Variants in NDUFAF7 observed in about 807,000 individuals in gnomAD.
NDUFAF7 encodes the protein NADH:ubiquinone oxidoreductase complex assembly factor 7, also known as protein arginine methyltransferase NDUFAF7, mitochondrial.
In NDUFAF7, 48 loss-of-function variants were observed where a neutral mutation model predicts 47.2. The observed-to-expected ratio is 1.02, with a 90% CI of 0.81 to 1.29. NDUFAF7 has a LOEUF of 1.29. Ranked by LOEUF, NDUFAF7 falls within the 50% of genes most tolerant of loss-of-function variation. The pLI is 0.00. For missense variants in NDUFAF7, 635 were observed against 537.6 expected (o/e 1.18, Z -1.79); for synonymous variants, 217 against 190.0 (o/e 1.14, Z -1.17).
chr2:37,248,151 C>A lies in NDUFAF7; in HGVS notation c.1127C>A (p.Ser376Ter). 1.2e-6 allele frequency: 2 copies of A among 1,613,340 alleles called. No homozygotes were observed. Among genetic ancestry groups the A allele is most frequent in the South Asian group, 2.2e-5 (2 of 91,012 alleles). ...TCTTTTCAGGTTCTTTTAGATAAAT[C>A]AAATGAGCCATCAGTGAGGCAGCAG... is the stretch of plus-strand genomic sequence containing the variant. ...DVRLKVLLDKSNEPSVRQQLL... is the reference protein window; with the variant it reads ...DVRLKVLLDK The change falls in exon 10 of 10, where the codon TCA becomes TAA. Residue 376 changes from serine to a stop codon, truncating the protein, a stop_gained. Coordinates refer to ENST00000002125, the MANE Select transcript of NDUFAF7 (RefSeq NM_144736.5). LOFTEE classifies it high-confidence loss of function.
Position 37,246,080 on chromosome 2 carries a change from T to C in NDUFAF7, c.821T>C (p.Val274Ala). ...GACGAAACAAGGGATCATGTTGAAG[T>C]GTGTCCTGATGCTGGTGTTATCATC... ...QHDETRDHVE[V>A]CPDAGVIIEE... Residue 274 changes from valine to alanine, a missense_variant, in exon 8 of 10, where the codon GTG (valine) becomes GCG (alanine). Val to Ala is a moderately conservative substitution (Grantham distance 64). Transcript: ENST00000002125. 1 of 1,613,958 alleles carries C rather than the reference T, an allele frequency of 6.2e-7. No homozygotes were observed.
At chr2:37,247,667 C>G in intron 9 of NDUFAF7, 38 bp downstream of exon 9, 1 of 1,605,004 alleles carries the variant, frequency 6.2e-7, no homozygotes, top group Non-Finnish European at 8.5e-7. Flanking sequence ...TAAGTACTTT[C>G]ATAGTATTTC....
chr2:37,233,526 G>A (rs1047011985), intron 2 of NDUFAF7, among the ~76,000 whole-genome samples: 9 of 151,820 alleles, frequency 5.9e-5, no homozygotes, highest in African/African-American at 2.2e-4. Flanking sequence ...TAGTCAGGAG[G>A]CAGGAGAATC....
chr2:37,247,433 A>G (rs1358197390), intron 8 of NDUFAF7, 23 bp from the exon 9 acceptor site: 4 of 1,613,686 alleles, frequency 2.5e-6, no homozygotes, highest in African/African-American at 1.3e-5. Context: ...AAAGGGCAAA[A>G]ATCTGATTTC....
chr2:37,253,772 A>G (rs1667707705), downstream of NDUFAF7, among the ~76,000 whole-genome samples: 1 of 152,198 alleles, frequency 6.6e-6, no homozygotes, highest in African/African-American at 2.4e-5. Context: ...CTCACTCCCT[A>G]TAAAATAGTT....
downstream of NDUFAF7, chr2:37,249,261 G>A (rs1277421796): frequency 1.3e-5 from 2 of 152,188 alleles, no homozygotes; most frequent in East Asian, 1.9e-4. Flanking sequence ...TTGAGGGGCA[G>A]GGTGTGGCTG....
At chr2:37,254,354 G>A, downstream of NDUFAF7, 1 of 1,254,512 alleles carries the variant, frequency 8.0e-7, no homozygotes, top group Middle Eastern at 1.9e-4. Context: ...ACTTGTGACT[G>A]CCTAGAAGGC....
chr2:37,258,906 C>T, the NDUFAF7 span, among the ~76,000 whole-genome samples: 6 of 152,184 alleles, frequency 3.9e-5, no homozygotes, highest in East Asian at 5.8e-4. Flanking sequence ...TTGAGCTGAT[C>T]GGAGGAATCA....
At chr2:37,244,081 C>G in intron 7 of NDUFAF7, 108 bp downstream of exon 7, 1 of 942,046 alleles carries the variant, frequency 1.1e-6, no homozygotes, top group South Asian at 1.4e-5. Flanking sequence ...GGAAGAGTTG[C>G]TAGTAGCATA....
intron 2 of NDUFAF7, 119 bp downstream of exon 2, chr2:37,232,385 G>A (rs1334293588): frequency 1.5e-6 from 2 of 1,338,246 alleles, no homozygotes; most frequent in African/African-American, 1.4e-5. Context: ...CAGGGGAAGA[G>A]CCATTTCTGA....
intron 2 of NDUFAF7, among the ~76,000 whole-genome samples, chr2:37,232,642 G>C (rs1284524798): frequency 6.6e-6 from 1 of 152,146 alleles, no homozygotes; most frequent in Admixed American, 6.5e-5. Flanking sequence ...TGAAGTGTGT[G>C]GGACTCTTAG....
chr2:37,247,665 T>G (rs1572572193), intron 9 of NDUFAF7, 36 bp downstream of exon 9: 1 of 1,605,618 alleles, frequency 6.2e-7, no homozygotes. Context: ...ATTAAGTACT[T>G]TCATAGTATT....
At chr2:37,243,832 A>G in intron 6 of NDUFAF7, 31 bp from the exon 7 acceptor site, 1 of 1,588,622 alleles carries the variant, frequency 6.3e-7, no homozygotes, top group Non-Finnish European at 8.6e-7. Flanking sequence ...AACTTGCAAA[A>G]ATTTGTTTTT....
chr2:37,254,661 A>G (rs1297519959), downstream of NDUFAF7, among the ~76,000 whole-genome samples: 1 of 152,214 alleles, frequency 6.6e-6, no homozygotes, highest in Non-Finnish European at 1.5e-5. Flanking sequence ...GGCTTAGAAC[A>G]GTGCTTAGCA....
At chr2:37,263,876 T>C in the NDUFAF7 span, among the ~76,000 whole-genome samples, 6 of 152,206 alleles carry the variant, frequency 3.9e-5, no homozygotes, top group East Asian at 5.8e-4. Flanking sequence ...TAATCATTTT[T>C]CTTATAGCTT....
At chr2:37,263,474 T>G in the NDUFAF7 span, among the ~76,000 whole-genome samples, 1 of 152,224 alleles carries the variant, frequency 6.6e-6, no homozygotes, top group Non-Finnish European at 1.5e-5. Flanking sequence ...ACGTTCTTAA[T>G]TATTTTTGTC....
At chr2:37,269,516 T>G in the NDUFAF7 span, 1 of 1,051,754 alleles carries the variant, frequency 9.5e-7, no homozygotes, top group African/African-American at 1.6e-5. Context: ...AAAAAGGCAC[T>G]GGACAAAACT....
chr2:37,256,655 T>TCC, downstream of NDUFAF7: 1 of 1,342,230 alleles, frequency 7.5e-7, no homozygotes, highest in Non-Finnish European at 9.7e-7. Flanking sequence ...TTTTTTTTTT[T>TCC]TTTTACCTTC....
chr2:37,263,576 G>C, the NDUFAF7 span, among the ~76,000 whole-genome samples: 1 of 152,136 alleles, frequency 6.6e-6, no homozygotes, highest in Admixed American at 6.5e-5. Flanking sequence ...ATTTGGTGTA[G>C]TATGATTTTC....
Sources: gnomAD v4.1 joint callset for allele counts (sites outside exome capture counted in the v4.1 genomes callset) on GRCh38, gnomAD v4.1.1 for gene constraint, MANE v1.5 for transcripts, NCBI Gene and HGNC (gene_info 2026-07-23, HGNC 2026-07-21) for gene names.